Variants in NHS observed in about 807,000 individuals in gnomAD.
NHS encodes actin remodeling regulator NHS.
Under a neutral mutation model 72.5 loss-of-function variants are expected in NHS, and 5 were observed. The ratio of observed to expected loss-of-function variants is 0.07; its 90% CI spans 0.04 to 0.14. The LOEUF (loss-of-function observed/expected upper bound fraction) is 0.14, where lower values mean the gene tolerates loss of function less well. NHS is among the 10% of genes least tolerant of loss of function. The pLI is 1.00. For missense variants in NHS, 1,072 were observed against 1,355.7 expected, an observed-to-expected ratio of 0.79 and a Z score of 3.29; for synonymous variants, 464 against 547.7, an observed-to-expected ratio of 0.85 and a Z score of 2.13.
chrX:17,711,980 A>T (rs1309312566), intron 3 of NHS, among the ~76,000 whole-genome samples: 1 of 108,264 alleles, frequency 9.2e-6, no homozygotes, highest in African/African-American at 3.4e-5. Context: ...GGACATATTC[A>T]TTTTTCTTAA....
At chrX:17,412,104 A>C (rs1174743247) in intron 1 of NHS, among the ~76,000 whole-genome samples, 7 of 110,514 alleles carry the variant, frequency 6.3e-5, no homozygotes, top group Admixed American at 3.9e-4. Flanking sequence ...CATATGAAAT[A>C]GTGAGAAAAG....
intron 1 of NHS, among the ~76,000 whole-genome samples, chrX:17,629,581 C>T (rs936542161): frequency 5.6e-4 from 62 of 111,510 alleles, no homozygotes; most frequent in African/African-American, 3.9e-4. Flanking sequence ...GTGGTGAGGA[C>T]GGCTTCAATG....
chrX:17,671,883 T>C (rs1308501913), intron 1 of NHS, among the ~76,000 whole-genome samples: 1 of 111,949 alleles, frequency 8.9e-6, no homozygotes. Context: ...AAAGCATCCA[T>C]TGACATGATA....
intron 1 of NHS, among the ~76,000 whole-genome samples, chrX:17,636,514 G>A (rs953457690): frequency 5.3e-5 from 6 of 112,261 alleles, no homozygotes; most frequent in African/African-American, 1.9e-4. Flanking sequence ...GCAGGAGGTG[G>A]CCAGTGTGAC....
At chrX:17,491,352 G>A (rs1053671969) in intron 1 of NHS, among the ~76,000 whole-genome samples, 2 of 111,699 alleles carry the variant, frequency 1.8e-5, no homozygotes, top group African/African-American at 6.5e-5. Flanking sequence ...TTTATTGAAG[G>A]CCTTGTCTGC....
At chrX:17,454,246 A>G (rs1253980209) in intron 1 of NHS, among the ~76,000 whole-genome samples, 1 of 111,741 alleles carries the variant, frequency 8.9e-6, no homozygotes, top group Non-Finnish European at 1.9e-5. Context: ...CCCACTAGAA[A>G]GCCAAGTAAA....
intron 1 of NHS, among the ~76,000 whole-genome samples, chrX:17,550,722 A>G (rs1216384127): frequency 8.9e-6 from 1 of 111,812 alleles, no homozygotes; most frequent in Non-Finnish European, 1.9e-5. Flanking sequence ...CCCACCTCGA[A>G]TCCATTTTGC....
At chrX:17,449,335 A>T (rs2064796042) in intron 1 of NHS, among the ~76,000 whole-genome samples, 1 of 112,849 alleles carries the variant, frequency 8.9e-6, no homozygotes, top group Non-Finnish European at 1.9e-5. Context: ...TGAGTGTAGC[A>T]TGTTGATGTG....
rs771858398 is a variant in NHS, at chrX:17,735,701, G to A, written c.*3237G>A. On this transcript the variant is annotated 3_prime_UTR_variant, in exon 9 of 9. Transcript: ENST00000676302. ...GTACTAGAACCAGTTCATGCTGGCC[G>A]AAACGACAATGGTTTATGGACTTGC... The A allele has an allele frequency of 8.9e-6, 1 of 112,769 alleles. No individual in the cohort carries two copies. The highest frequency in any genetic ancestry group is 3.2e-5 in the African/African-American group (1 of 30,954). 9.3% of individuals were successfully genotyped at this position (112,769 alleles called of 1,213,427 possible).
chrX:17,643,195 C>T (rs1340414471), intron 1 of NHS, among the ~76,000 whole-genome samples: 1 of 112,180 alleles, frequency 8.9e-6, no homozygotes, highest in Non-Finnish European at 1.9e-5. Flanking sequence ...AACAACTTGC[C>T]CAAGATTACA....
intron 3 of NHS, among the ~76,000 whole-genome samples, chrX:17,712,260 T>TAC (rs2066335042): frequency 3.4e-5 from 2 of 58,347 alleles, no homozygotes; most frequent in African/African-American, 1.7e-4. Context: ...TGTGTATATA[T>TAC]ATATATATAT....
At chrX:17,608,249 A>G (rs1009094860) in intron 1 of NHS, among the ~76,000 whole-genome samples, 15 of 111,310 alleles carry the variant, frequency 1.3e-4, no homozygotes, top group African/African-American at 4.2e-4. Context: ...CCCAAATTGC[A>G]CTGGGAAAAG....
chrX:17,538,870 G>C (rs1297264297), intron 1 of NHS, among the ~76,000 whole-genome samples: 1 of 111,799 alleles, frequency 8.9e-6, no homozygotes, highest in Non-Finnish European at 1.9e-5. Context: ...GTCCAGGTTG[G>C]ATGTACAGTG....
chrX:17,463,372 G>GT (rs111906837), intron 1 of NHS, among the ~76,000 whole-genome samples: 22 of 104,988 alleles, frequency 2.1e-4, no homozygotes, highest in East Asian at 5.9e-4. Flanking sequence ...TAATGGTGGG[G>GT]TTTTTTTTTT....
At chrX:17,546,824 G>T (rs954878955) in intron 1 of NHS, among the ~76,000 whole-genome samples, 4 of 112,692 alleles carry the variant, frequency 3.5e-5, no homozygotes, top group African/African-American at 1.3e-4. Flanking sequence ...GAAGAAAAAT[G>T]AGAGGAGGAG....
In NHS at chrX:17,576,686, G is replaced by A. The variant is rs184178156; in HGVS notation, c.566-111056G>A. Among the ~76,000 whole-genome samples the A allele has an allele frequency of 3.6e-5, 4 of 112,006 alleles. No homozygotes were observed. In the East Asian group the frequency reaches 8.5e-4, roughly 24 times the overall value. On this transcript the variant is annotated intron_variant, in intron 1 of 8. Coordinates refer to ENST00000676302, the MANE Select transcript of NHS (RefSeq NM_001291867.2). ...TAAGCACCCAAGAGGATAAATAAAC[G>A]TGTCGCAGGTGCCATTAAGAAAACA...
chrX:17,646,720 GT>G (rs2065907365), intron 1 of NHS, among the ~76,000 whole-genome samples: 1 of 111,965 alleles, frequency 8.9e-6, no homozygotes, highest in African/African-American at 3.3e-5. Flanking sequence ...GTATAGACAG[GT>G]TTGTTTTAAT....
chrX:17,539,504 G>C (rs1009317024), intron 1 of NHS, among the ~76,000 whole-genome samples: 1 of 110,485 alleles, frequency 9.1e-6, no homozygotes, highest in Non-Finnish European at 1.9e-5. Context: ...GCACATAGTA[G>C]ATGCTAAACA....
intron 1 of NHS, among the ~76,000 whole-genome samples, chrX:17,438,677 T>A (rs1375830769): frequency 2.7e-5 from 3 of 112,181 alleles, no homozygotes; most frequent in Admixed American, 9.4e-5. Flanking sequence ...TAATTCTAGC[T>A]CTGGTGACAG....
Sources: allele counts gnomAD v4.1 joint callset (sites outside exome capture counted in the v4.1 genomes callset), GRCh38; gene constraint gnomAD v4.1.1; transcripts MANE v1.5; gene names NCBI Gene and HGNC (gene_info 2026-07-23, HGNC 2026-07-21).